The following REDIC1 variants were observed in gnomAD, a reference collection of about 807,000 sequenced individuals.
The protein encoded by REDIC1 is regulator of DNA class I crossover intermediates 1, also known as HEI10 Interacting Protein 1.
chr12:39,688,836 T>C, the REDIC1 span, among the ~76,000 whole-genome samples: 1 of 152,066 alleles, frequency 6.6e-6, no homozygotes, highest in African/African-American at 2.4e-5. Context: ...AAGGAAGAAA[T>C]TGAGAAAGAC....
the REDIC1 span, chr12:39,640,929 A>G: frequency 2.0e-5 from 32 of 1,589,486 alleles, no homozygotes; most frequent in Non-Finnish European, 2.5e-5. Flanking sequence ...TGATCACTAT[A>G]TATTTTATTC....
chr12:39,689,129 G>A, the REDIC1 span, among the ~76,000 whole-genome samples: 1 of 152,160 alleles, frequency 6.6e-6, no homozygotes, highest in Admixed American at 6.5e-5. Context: ...CATCATTTTA[G>A]GTTAAGGCTT....
At chr12:39,692,733 A>G in the REDIC1 span, among the ~76,000 whole-genome samples, 1 of 152,048 alleles carries the variant, frequency 6.6e-6, no homozygotes, top group Non-Finnish European at 1.5e-5. Context: ...CCTATGAAGA[A>G]CAATGCTACT....
the REDIC1 span, among the ~76,000 whole-genome samples, chr12:39,902,747 T>C: frequency 1.3e-5 from 2 of 152,234 alleles, no homozygotes; most frequent in African/African-American, 2.4e-5. Flanking sequence ...TAAAAAAAGA[T>C]ATAATGGGAT....
chr12:39,637,395 G>T, the REDIC1 span, among the ~76,000 whole-genome samples: 1 of 152,044 alleles, frequency 6.6e-6, no homozygotes, highest in Non-Finnish European at 1.5e-5. Flanking sequence ...GTTTAAAAAA[G>T]ATGAACCTCA....
chr12:39,667,817 G>A, the REDIC1 span, among the ~76,000 whole-genome samples: 1 of 152,166 alleles, frequency 6.6e-6, no homozygotes, highest in African/African-American at 2.4e-5. Context: ...TTACCATTAT[G>A]TAATGGCCTT....
chr12:39,844,525 A>G, the REDIC1 span, among the ~76,000 whole-genome samples: 9 of 152,234 alleles, frequency 5.9e-5, no homozygotes, highest in African/African-American at 1.9e-4. Context: ...AAAGCAACTC[A>G]GTGTTCTTTT....
chr12:39,682,631 T>C, the REDIC1 span: 2 of 1,582,638 alleles, frequency 1.3e-6, no homozygotes, highest in East Asian at 2.3e-5. Context: ...AGGAATTTAC[T>C]TACTAAAAGC....
At chr12:39,823,999 T>C in the REDIC1 span, among the ~76,000 whole-genome samples, 1 of 152,202 alleles carries the variant, frequency 6.6e-6, no homozygotes, top group African/African-American at 2.4e-5. Context: ...TGGAACATCA[T>C]ATCCTCTCAT....
chr12:39,801,868 A>G, the REDIC1 span, among the ~76,000 whole-genome samples: 2 of 152,326 alleles, frequency 1.3e-5, no homozygotes, highest in African/African-American at 4.8e-5. Context: ...TTAGGAAAGC[A>G]GACATTACTC....
chr12:39,695,505 G>A, the REDIC1 span, among the ~76,000 whole-genome samples: 1 of 152,094 alleles, frequency 6.6e-6, no homozygotes, highest in Non-Finnish European at 1.5e-5. Context: ...ATGGGGTGAG[G>A]TTCATCTGCC....
the REDIC1 span, among the ~76,000 whole-genome samples, chr12:39,897,216 A>G: frequency 2.7e-3 from 407 of 152,310 alleles, 1 homozygote; most frequent in African/African-American, 9.5e-3. Flanking sequence ...GAGGATTTTG[A>G]GTTGAAACCT....
chr12:39,712,884 CATATATGCATATACGTGTATAT>C, the REDIC1 span, among the ~76,000 whole-genome samples: 2 of 136,792 alleles, frequency 1.5e-5, no homozygotes, highest in African/African-American at 5.5e-5. Flanking sequence ...CACGTATATA[CATATATGCATATACGTGTATAT>C]ACGTATATAC....
the REDIC1 span, among the ~76,000 whole-genome samples, chr12:39,846,041 T>C: frequency 2.6e-5 from 4 of 152,162 alleles, no homozygotes; most frequent in South Asian, 2.1e-4. Context: ...TTGTCTTCAA[T>C]GATTTTTCTC....
the REDIC1 span, among the ~76,000 whole-genome samples, chr12:39,856,536 T>G: frequency 3.3e-5 from 5 of 152,022 alleles, no homozygotes; most frequent in Admixed American, 1.3e-4. Context: ...GCCCAGCTAA[T>G]TTTTGTATTT....
the REDIC1 span, among the ~76,000 whole-genome samples, chr12:39,774,529 C>T: frequency 6.6e-6 from 1 of 150,598 alleles, no homozygotes; most frequent in Non-Finnish European, 1.5e-5. Context: ...TCCTAGCTTG[C>T]AGTGTGGAGA....
the REDIC1 span, among the ~76,000 whole-genome samples, chr12:39,806,486 A>G: frequency 1.3e-5 from 2 of 152,204 alleles, no homozygotes; most frequent in African/African-American, 4.8e-5. Flanking sequence ...GAAGTCACAC[A>G]GGCTTCTATC....
chr12:39,763,221 C>T, the REDIC1 span, among the ~76,000 whole-genome samples: 1 of 151,930 alleles, frequency 6.6e-6, no homozygotes, highest in Non-Finnish European at 1.5e-5. Flanking sequence ...GTTTAAAATG[C>T]CAGTGCATTT....
chr12:39,890,452 C>T, the REDIC1 span, among the ~76,000 whole-genome samples: 3 of 152,134 alleles, frequency 2.0e-5, no homozygotes, highest in African/African-American at 7.2e-5. Flanking sequence ...AAATGTTGCT[C>T]ATCAATTGAC....
Sources: allele counts gnomAD v4.1 joint callset (sites outside exome capture counted in the v4.1 genomes callset), GRCh38; gene constraint gnomAD v4.1.1; transcripts MANE v1.5; gene names NCBI Gene and HGNC (gene_info 2026-07-23, HGNC 2026-07-21).